SLCO3A1: variants seen among roughly 807,000 people sequenced by gnomAD.
The protein encoded by SLCO3A1 is solute carrier organic anion transporter family member 3A1.
A neutral mutation model predicts 63.1 loss-of-function variants in SLCO3A1; 27 were observed. That is an observed-to-expected ratio of 0.43 (90% CI 0.32 to 0.59). SLCO3A1 has a LOEUF of 0.59. Among genes scored for constraint, SLCO3A1 ranks in the 20% least tolerant of loss-of-function variants. The probability of loss-of-function intolerance (pLI) is 0.09; values close to 1 mark genes in which losing one functional copy is unlikely to be tolerated. For missense variants in SLCO3A1, 773 were observed against 945.8 expected (o/e 0.82, Z 2.40); for synonymous variants, 473 against 409.9 (o/e 1.15, Z -1.86).
At chr15:91,899,003 G>T (rs950716920) in intron 1 of SLCO3A1, among the ~76,000 whole-genome samples, 1 of 151,476 alleles carries the variant, frequency 6.6e-6, no homozygotes. Flanking sequence ...GTGCCATATG[G>T]GAAGGAGGGA....
At chr15:91,979,800 A>G (rs2045961434) in intron 2 of SLCO3A1, among the ~76,000 whole-genome samples, 1 of 151,356 alleles carries the variant, frequency 6.6e-6, no homozygotes, top group Non-Finnish European at 1.5e-5. Context: ...TGCACCCAGT[A>G]TATACTAATT....
intron 2 of SLCO3A1, among the ~76,000 whole-genome samples, chr15:92,072,204 T>G (rs568758872): frequency 2.0e-5 from 3 of 147,448 alleles, no homozygotes; most frequent in Middle Eastern, 3.4e-3. Context: ...TTTTTTTGGT[T>G]TTTTTTTTTT....
chr15:92,151,052 G>T, intron 9 of SLCO3A1, 38 bp downstream of exon 9: 1 of 1,389,452 alleles, frequency 7.2e-7, no homozygotes, highest in Non-Finnish European at 1.0e-6. Context: ...TAATGAATTG[G>T]ATGCTTATTA....
At chr15:92,030,231 C>CT (rs1032824499) in intron 2 of SLCO3A1, among the ~76,000 whole-genome samples, 4 of 152,168 alleles carry the variant, frequency 2.6e-5, no homozygotes, top group Admixed American at 6.5e-5. Context: ...ACAGTTTGGT[C>CT]TTTTTTTACC....
In SLCO3A1 at chr15:91,960,799, A is replaced by G. The variant is rs906360308; in HGVS notation, c.646+44341A>G. On this transcript the variant is annotated intron_variant, in intron 2 of 9. Transcript: ENST00000318445. ...TTTTTTCAGAATTTTGAATATTTGC[A>G]TTATATATAGTCACTTACAAGTTGA... 6.6e-5 allele frequency among the ~76,000 whole-genome samples: 10 copies of G among 152,278 alleles called. No individual in the cohort carries two copies. The South Asian group carries it at 1.7e-3, about 25-fold the overall frequency.
chr15:91,893,845 A>C lies in SLCO3A1; in HGVS notation c.181-22148A>C, dbSNP rs1470201884. On this transcript the variant is annotated intron_variant, in intron 1 of 9. Transcript: ENST00000318445. ...TACATCAGTTACTCTTCTAGGAACT[A>C]GCAATCAGCAAAGATAAAGTCTTGG... Among the ~76,000 whole-genome samples, 11 of 152,340 alleles carry C rather than the reference A, an allele frequency of 7.2e-5. No homozygotes were observed. The East Asian group carries it at 2.1e-3, about 29-fold the overall frequency.
rs1896853270 is a variant in SLCO3A1, at chr15:91,854,266, C to T, written c.180+178C>T. 5 of 1,144,416 alleles carry T rather than the reference C, an allele frequency of 4.4e-6. No homozygotes were observed. Among genetic ancestry groups the T allele is most frequent in the South Asian group, 8.9e-5 (2 of 22,546 alleles). 70.9% of individuals were successfully genotyped at this position (1,144,416 alleles called of 1,614,324 possible). A position where few individuals can be genotyped will look rare whatever the true frequency, so the allele number is the denominator to read the frequency against. ...CCGGGGGAGCTGCCGGCCGGGGCTGCCAGCGAGCGGGTAGCGGGCGGGACC... is the reference window on the plus strand; with the variant it reads ...CCGGGGGAGCTGCCGGCCGGGGCTGTCAGCGAGCGGGTAGCGGGCGGGACC... On this transcript the variant is annotated intron_variant, in intron 1 of 9. Coordinates refer to ENST00000318445, the MANE Select transcript of SLCO3A1 (RefSeq NM_013272.4). The surrounding 1 kb of genome is among the most constrained non-coding windows in gnomAD (Gnocchi z 6.4).
intron 4 of SLCO3A1, among the ~76,000 whole-genome samples, chr15:92,114,129 G>A (rs2047763005): frequency 6.6e-6 from 1 of 152,170 alleles, no homozygotes; most frequent in South Asian, 2.1e-4. Flanking sequence ...GGCATGTAAT[G>A]GCAGGGAACT....
At chr15:91,879,397 A>C (rs759380995) in intron 1 of SLCO3A1, among the ~76,000 whole-genome samples, 2 of 151,908 alleles carry the variant, frequency 1.3e-5, no homozygotes, top group African/African-American at 2.4e-5. Flanking sequence ...GGTGAGGGTT[A>C]GTAACATCTA....
intron 7 of SLCO3A1, among the ~76,000 whole-genome samples, chr15:92,130,672 G>A (rs1442528558): frequency 1.3e-5 from 2 of 152,036 alleles, no homozygotes; most frequent in African/African-American, 4.8e-5. Context: ...AGGTAATGGG[G>A]CCTTCCGTGT....
intron 2 of SLCO3A1, among the ~76,000 whole-genome samples, chr15:92,087,366 G>A (rs1021421457): frequency 3.3e-5 from 5 of 152,190 alleles, no homozygotes; most frequent in African/African-American, 1.2e-4. Flanking sequence ...AAGAAGTCCT[G>A]ATACCCAACA....
intron 2 of SLCO3A1, among the ~76,000 whole-genome samples, chr15:91,955,841 G>A (rs1486013203): frequency 6.6e-6 from 1 of 152,206 alleles, no homozygotes; most frequent in East Asian, 1.9e-4. Context: ...ACGTATTAGC[G>A]TGTTTGGAAT....
intron 1 of SLCO3A1, among the ~76,000 whole-genome samples, chr15:91,899,616 G>T (rs955587835): frequency 6.6e-6 from 1 of 151,912 alleles, no homozygotes; most frequent in East Asian, 1.9e-4. Flanking sequence ...TTTTATTGGG[G>T]TATAATTTAT....
At chr15:91,868,351 C>T (rs966097510) in intron 1 of SLCO3A1, among the ~76,000 whole-genome samples, 4 of 120,720 alleles carry the variant, frequency 3.3e-5, no homozygotes, top group East Asian at 2.7e-4. Context: ...CACACCCAGC[C>T]GGCTTTTTTT....
At chr15:91,920,325 G>A (rs1357648859) in intron 2 of SLCO3A1, among the ~76,000 whole-genome samples, 2 of 152,166 alleles carry the variant, frequency 1.3e-5, no homozygotes, top group Admixed American at 6.5e-5. Flanking sequence ...GGCATTCCAC[G>A]AGACAGCCCG....
chr15:92,163,773 C>T lies in SLCO3A1; in HGVS notation c.*638C>T. 2 of 985,450 alleles carry T rather than the reference C, an allele frequency of 2.0e-6. No homozygotes were observed. The highest frequency in any genetic ancestry group is 2.4e-6 in the Non-Finnish European group (2 of 830,012). The allele number at this position is 985,450 out of a possible 1,614,324, so 61.0% of individuals were successfully genotyped here. A position where few individuals can be genotyped will look rare whatever the true frequency, so the allele number is the denominator to read the frequency against. On this transcript the variant is annotated 3_prime_UTR_variant, in exon 10 of 10. Transcript: ENST00000318445. ...AGGCCCCAGAGTTCTCTCAGTGATG[C>T]TAATGGGTGATCCGTGCTGGAGTTT...
At chr15:91,963,246 C>G (rs1230687851) in intron 2 of SLCO3A1, among the ~76,000 whole-genome samples, 1 of 152,136 alleles carries the variant, frequency 6.6e-6, no homozygotes, top group Non-Finnish European at 1.5e-5. Flanking sequence ...GCATTCCAGC[C>G]TTTGTATATG....
intron 2 of SLCO3A1, among the ~76,000 whole-genome samples, chr15:92,075,054 C>T (rs2047261484): frequency 6.6e-6 from 1 of 152,164 alleles, no homozygotes; most frequent in Non-Finnish European, 1.5e-5. Context: ...GATACCTGGG[C>T]ACTTGGCCTC....
chr15:91,899,202 A>C (rs554147599), intron 1 of SLCO3A1, among the ~76,000 whole-genome samples: 2 of 152,318 alleles, frequency 1.3e-5, no homozygotes, highest in African/African-American at 4.8e-5. Context: ...CCAGGCCAAC[A>C]CAATGTCTGT....
Sources: allele counts gnomAD v4.1 joint callset (sites outside exome capture counted in the v4.1 genomes callset), GRCh38; gene constraint gnomAD v4.1.1; non-coding constraint Gnocchi (gnomAD v3.1); transcripts MANE v1.5; gene names NCBI Gene and HGNC (gene_info 2026-07-23, HGNC 2026-07-21).